PAX2: variants seen among roughly 807,000 people sequenced by gnomAD.
PAX2 encodes paired box protein Pax-2.
A neutral mutation model predicts 41.7 loss-of-function variants in PAX2; 9 were observed. The ratio of observed to expected loss-of-function variants is 0.22; its 90% CI spans 0.13 to 0.38. The LOEUF (loss-of-function observed/expected upper bound fraction) is 0.38. Among genes scored for constraint, PAX2 ranks in the 10% least tolerant of loss-of-function variants. PAX2 has a pLI of 1.00. For synonymous variants in PAX2, 221 were observed against 212.7 expected (o/e 1.04, Z -0.34); for missense variants, 418 against 531.6 (o/e 0.79, Z 2.10).
rs1845162436 is a variant in PAX2 at position 100,746,170 on chromosome 10, C to T, written c.-91C>T. On this transcript the variant is annotated 5_prime_UTR_variant, in exon 1 of 10. Coordinates refer to ENST00000355243, the MANE Select transcript of PAX2 (RefSeq NM_000278.5). ...CGTTCACTCATCCTCCCTCCCCCAC[C>T]GTCCCTCCCTTTTCTCCTCAAGTCC... The T allele has an allele frequency of 6.2e-7, 1 of 1,607,890 alleles. No homozygotes were observed.
chr10:100,782,019 G>A (rs920064884), intron 5 of PAX2, among the ~76,000 whole-genome samples: 1 of 152,188 alleles, frequency 6.6e-6, no homozygotes, highest in African/African-American at 2.4e-5. Flanking sequence ...GGGGAGAGTG[G>A]TAGGGATGAT....
intron 5 of PAX2, among the ~76,000 whole-genome samples, chr10:100,789,443 T>G (rs141038289): frequency 6.6e-6 from 1 of 152,156 alleles, no homozygotes; most frequent in Non-Finnish European, 1.5e-5. Flanking sequence ...GCTCTGTGGA[T>G]TATTGGTGGG....
chr10:100,823,900 T>C (rs1848452125), intron 7 of PAX2, among the ~76,000 whole-genome samples: 1 of 152,152 alleles, frequency 6.6e-6, no homozygotes, highest in Non-Finnish European at 1.5e-5. Flanking sequence ...CTTTAGCTGA[T>C]AGAGCCCTCC....
chr10:100,748,702 G>A lies in PAX2; in HGVS notation c.44-1044G>A, dbSNP rs990904704. 1.0e-6 allele frequency: 1 copy of A among 985,390 alleles called. No individual in the cohort carries two copies. Among genetic ancestry groups the A allele is most frequent in the Non-Finnish European group, 1.2e-6 (1 of 829,976 alleles). 61.0% of individuals were successfully genotyped at this position (985,390 alleles called of 1,614,324 possible). ...CAGTGGCCGCCTCGGTTCCGAGATC[G>A]GGAGCCCGCGCTGGAGCCGGGTTGG... On this transcript the variant is annotated intron_variant, in intron 1 of 9. Coordinates refer to ENST00000355243, the MANE Select transcript of PAX2 (RefSeq NM_000278.5). The surrounding 1 kb of genome is among the most constrained non-coding windows in gnomAD (Gnocchi z 5.0).
intron 1 of PAX2, among the ~76,000 whole-genome samples, chr10:100,737,195 A>G (rs546858856): frequency 2.0e-5 from 3 of 152,308 alleles, no homozygotes; most frequent in Admixed American, 2.0e-4. Flanking sequence ...TTTGTGAACC[A>G]GGTTCTCAGT....
chr10:100,745,819 G>C lies in PAX2; in HGVS notation c.-442G>C. 1 of 1,097,444 alleles carries C rather than the reference G, an allele frequency of 9.1e-7. No homozygotes were observed. The highest frequency in any genetic ancestry group is 1.1e-6 in the Non-Finnish European group (1 of 901,596). 68.0% of individuals were successfully genotyped at this position (1,097,444 alleles called of 1,614,324 possible). A position where few individuals can be genotyped will look rare whatever the true frequency, so the allele number is the denominator to read the frequency against. On this transcript the variant is annotated 5_prime_UTR_variant, in exon 1 of 10. Coordinates refer to ENST00000355243, the MANE Select transcript of PAX2 (RefSeq NM_000278.5). ...ACTCGCCAGCACTTGGAGAGGCCCG[G>C]CTCCCCTCCCGGCGCCCTCTGACCG... is the stretch of plus-strand genomic sequence containing the variant.
At chr10:100,747,229 G>A (rs950723134) in intron 1 of PAX2, 1 of 152,254 alleles carries the variant, frequency 6.6e-6, no homozygotes, top group South Asian at 2.1e-4. Context: ...CAGCAACCTG[G>A]CCAGGGGGTC....
chr10:100,795,477 A>G (rs911425882), intron 5 of PAX2, among the ~76,000 whole-genome samples: 2 of 152,192 alleles, frequency 1.3e-5, no homozygotes, highest in Admixed American at 6.5e-5. Context: ...TGAGGGAGGT[A>G]TTTGATCTAA....
At chr10:100,793,422 C>T (rs900755170) in intron 5 of PAX2, among the ~76,000 whole-genome samples, 6 of 152,238 alleles carry the variant, frequency 3.9e-5, no homozygotes, top group Non-Finnish European at 1.5e-5. Flanking sequence ...TGGCCTTCAC[C>T]TCCCTCCTTG....
intron 5 of PAX2, among the ~76,000 whole-genome samples, chr10:100,795,672 C>T (rs1589865867): frequency 6.6e-6 from 1 of 152,336 alleles, no homozygotes; most frequent in East Asian, 1.9e-4. Flanking sequence ...CCTCTTCCCC[C>T]TTTTCTGACA....
chr10:100,745,693 G>T lies in PAX2; in HGVS notation c.-568G>T. On this transcript the variant is annotated 5_prime_UTR_variant, in exon 1 of 10. Transcript: ENST00000355243. ...CGGCCCTTCGGCCGCGGCGGCGTGC[G>T]CCTGCCTTTTCCGGGGGCGGGGGCC... 2.1e-6 allele frequency: 2 copies of T among 956,232 alleles called. No homozygotes were observed. Among genetic ancestry groups the T allele is most frequent in the Non-Finnish European group, 2.5e-6 (2 of 792,100 alleles). 59.2% of individuals were successfully genotyped at this position (956,232 alleles called of 1,614,324 possible).
intron 5 of PAX2, among the ~76,000 whole-genome samples, chr10:100,792,132 A>T (rs1847142501): frequency 6.6e-6 from 1 of 152,138 alleles, no homozygotes; most frequent in Non-Finnish European, 1.5e-5. Context: ...TAGAGACCGT[A>T]TTTTTTTTCC....
chr10:100,794,859 TG>T (rs1437776723), intron 5 of PAX2, among the ~76,000 whole-genome samples: 1 of 26,038 alleles, frequency 3.8e-5, no homozygotes, highest in African/African-American at 1.6e-4. Flanking sequence ...CTTGTGTAAT[TG>T]ATTTTTTTTT....
rs529132954 is a variant in PAX2, at chr10:100,796,780, C to T, written c.617-9650C>T. ...TTCTCCCTGCATCCCCATCATTTCCCTTTCATCAGTTTTTCTTTCTTGGTC... is the reference window on the plus strand; with the variant it reads ...TTCTCCCTGCATCCCCATCATTTCCTTTTCATCAGTTTTTCTTTCTTGGTC... On this transcript the variant is annotated intron_variant, in intron 5 of 9. Coordinates refer to ENST00000355243, the MANE Select transcript of PAX2 (RefSeq NM_000278.5). Among the ~76,000 whole-genome samples the T allele has an allele frequency of 1.6e-4, 24 of 152,304 alleles. No homozygotes were observed. The South Asian group carries it at 5.0e-3, about 32-fold the overall frequency.
At chr10:100,804,977 T>TC (rs1847708986) in intron 5 of PAX2, among the ~76,000 whole-genome samples, 1 of 71,980 alleles carries the variant, frequency 1.4e-5, no homozygotes, top group Non-Finnish European at 2.9e-5. Flanking sequence ...CTCTCTCTCC[T>TC]TCTCTCTCTC....
intron 7 of PAX2, among the ~76,000 whole-genome samples, chr10:100,817,489 G>T (rs1848230464): frequency 6.6e-6 from 1 of 152,260 alleles, no homozygotes; most frequent in Admixed American, 6.5e-5. Flanking sequence ...AGGGCGGGGT[G>T]CTGGGAGAAG....
intron 4 of PAX2, 97 bp from the exon 5 acceptor site, chr10:100,781,149 C>A (rs1846604678): frequency 9.7e-6 from 12 of 1,231,620 alleles, no homozygotes; most frequent in Non-Finnish European, 1.3e-5. Context: ...TCCTTATGTC[C>A]TCTGCTTCTC....
intron 5 of PAX2, among the ~76,000 whole-genome samples, chr10:100,804,438 T>C (rs1419670879): frequency 6.6e-6 from 1 of 152,048 alleles, no homozygotes. Flanking sequence ...ACAATAACCA[T>C]ATATGAAGAT....
At position 100,748,512 on chromosome 10, in the gene PAX2, G is replaced by T; in HGVS notation, c.44-1234G>T. The T allele has an allele frequency of 2.0e-6, 2 of 985,300 alleles. No homozygotes were observed. The allele number at this position is 985,300 out of a possible 1,614,324, so 61.0% of individuals were successfully genotyped here. On this transcript the variant is annotated intron_variant, in intron 1 of 9. Transcript: ENST00000355243. This position sits in a 1 kb window ranked among gnomAD's most constrained non-coding sequence, Gnocchi z 5.0. ...CTCGCGTGAGGCTAGCGGGGCAGGG[G>T]CTGCAGCTTGCCAGTCCGGGCCGAC...
Sources: gnomAD v4.1 joint callset for allele counts (sites outside exome capture counted in the v4.1 genomes callset) on GRCh38, gnomAD v4.1.1 for gene constraint, Gnocchi (gnomAD v3.1) non-coding constraint, MANE v1.5 for transcripts, NCBI Gene and HGNC (gene_info 2026-07-23, HGNC 2026-07-21) for gene names.